The following CNST variants were observed in gnomAD, a reference collection of about 807,000 sequenced individuals.
CNST encodes consortin.
CNST carries 39 observed loss-of-function variants against 72.4 expected under a neutral mutation model. That is an observed-to-expected ratio of 0.54 (90% CI 0.42 to 0.70). The LOEUF is 0.70. Ranked by LOEUF, CNST falls within the 30% of genes least tolerant of loss-of-function variation. The pLI, the probability that CNST is intolerant of heterozygous loss-of-function variation, is 0.00. For missense variants in CNST, 871 were observed against 868.5 expected, an observed-to-expected ratio of 1.00 and a Z score of -0.04; for synonymous variants, 332 against 320.1, an observed-to-expected ratio of 1.04 and a Z score of -0.40.
intron 2 of CNST, 46 bp from the exon 3 acceptor site, chr1:246,621,383 T>C: frequency 7.1e-7 from 1 of 1,403,974 alleles, no homozygotes; most frequent in Non-Finnish European, 1.0e-6. Flanking sequence ...TGTTACACCA[T>C]CATGGGAATT....
At chr1:246,632,999 C>T (rs1664872805) in intron 4 of CNST, among the ~76,000 whole-genome samples, 1 of 152,154 alleles carries the variant, frequency 6.6e-6, no homozygotes, top group Non-Finnish European at 1.5e-5. Flanking sequence ...TCCAGGATTC[C>T]ATGTGGTCCT....
intron 2 of CNST, among the ~76,000 whole-genome samples, chr1:246,611,298 T>C (rs7539592): frequency 0.46 from 69,658 of 152,038 alleles, 17,460 homozygotes; most frequent in Non-Finnish European, 0.56. Context: ...CCTTTGTTTT[T>C]CACAGTTCTA....
At chr1:246,659,611 T>G (rs1007998922) in intron 9 of CNST, among the ~76,000 whole-genome samples, 12 of 151,334 alleles carry the variant, frequency 7.9e-5, no homozygotes, top group African/African-American at 2.7e-4. Context: ...AAAAAAAATG[T>G]CCCTAGTAAA....
intron 6 of CNST, among the ~76,000 whole-genome samples, chr1:246,635,200 G>A (rs1665114829): frequency 1.3e-5 from 2 of 151,928 alleles, no homozygotes; most frequent in East Asian, 1.9e-4. Context: ...GGGTGGCGTG[G>A]GCACCTCGGA....
intron 6 of CNST, among the ~76,000 whole-genome samples, chr1:246,637,687 C>T (rs3124083): frequency 0.91 from 139,079 of 152,246 alleles, 63,531 homozygotes; most frequent in South Asian, 0.94. Flanking sequence ...CTGTAAGGTG[C>T]ATGGAGAACC....
intron 2 of CNST, among the ~76,000 whole-genome samples, chr1:246,619,495 G>C (rs1210220994): frequency 1.3e-5 from 2 of 152,166 alleles, no homozygotes; most frequent in Non-Finnish European, 2.9e-5. Flanking sequence ...TGTGCTGCCA[G>C]CGTTGATGTG....
Position 246,633,909 on chromosome 1 carries a change from A to C in CNST, c.617-15A>C. On this transcript the variant is annotated splice_polypyrimidine_tract_variant and intron_variant, in intron 4 of 10. Transcript: ENST00000366513. ...AATAGTGTGGATTTCTATTTTCCTT[A>C]AATGTTCTATTCAGATGAGAAAGCA... is the stretch of plus-strand genomic sequence containing the variant. 6.5e-7 allele frequency: 1 copy of C among 1,544,002 alleles called. No homozygotes were observed. Among genetic ancestry groups the C allele is most frequent in the Non-Finnish European group, 9.0e-7 (1 of 1,116,212 alleles).
intron 2 of CNST, among the ~76,000 whole-genome samples, chr1:246,619,199 G>A (rs922808695): frequency 2.6e-5 from 4 of 151,518 alleles, no homozygotes; most frequent in Non-Finnish European, 4.4e-5. Context: ...GTAGTTCTCC[G>A]TGGAAAACTC....
intron 2 of CNST, among the ~76,000 whole-genome samples, chr1:246,609,581 GA>G (rs1173566082): frequency 1.3e-5 from 2 of 151,698 alleles, no homozygotes; most frequent in African/African-American, 4.8e-5. Context: ...CTGTCTCAAA[GA>G]AAAAAAAGTG....
At chr1:246,630,052 T>C (rs1356845182) in intron 3 of CNST, among the ~76,000 whole-genome samples, 1 of 152,186 alleles carries the variant, frequency 6.6e-6, no homozygotes, top group Non-Finnish European at 1.5e-5. Context: ...AATGTCATCA[T>C]TGATTTCAAT....
intron 2 of CNST, among the ~76,000 whole-genome samples, chr1:246,596,717 C>T (rs2103032717): frequency 6.6e-6 from 1 of 152,254 alleles, no homozygotes. Flanking sequence ...TATTAGCACC[C>T]ACTTCTTACT....
intron 2 of CNST, among the ~76,000 whole-genome samples, chr1:246,618,085 A>G (rs1227053296): frequency 6.6e-6 from 1 of 152,222 alleles, no homozygotes; most frequent in Non-Finnish European, 1.5e-5. Context: ...CCAGAAAGGA[A>G]CTAGAAGATA....
Position 246,667,775 on chromosome 1 carries a change from A to G in CNST, c.*1870A>G, listed in dbSNP as rs1281495275. 6.6e-6 allele frequency: 1 copy of G among 152,174 alleles called. No individual in the cohort carries two copies. The highest frequency in any genetic ancestry group is 1.5e-5 in the Non-Finnish European group (1 of 68,034). 9.4% of individuals were successfully genotyped at this position (152,174 alleles called of 1,614,324 possible). Reference sequence around the variant, plus strand: ...ACAAACCTCCTCTGTTTTATCCTCAATTTCTAGTTACAGAAATTTGGTGAT... The same window carrying G: ...ACAAACCTCCTCTGTTTTATCCTCAGTTTCTAGTTACAGAAATTTGGTGAT... On this transcript the variant is annotated 3_prime_UTR_variant, in exon 11 of 11. Transcript: ENST00000366513.
intron 8 of CNST, among the ~76,000 whole-genome samples, chr1:246,646,551 G>T (rs541418523): frequency 3.3e-5 from 5 of 152,214 alleles, no homozygotes. Flanking sequence ...CGTGATCTCA[G>T]GTAACCGCAG....
chr1:246,655,200 A>G (rs931457836), intron 9 of CNST, among the ~76,000 whole-genome samples: 4 of 152,320 alleles, frequency 2.6e-5, no homozygotes, highest in Admixed American at 2.6e-4. Context: ...ACTTAGACAC[A>G]TTGTAAAACT....
chr1:246,569,442 A>T (rs1659929375), intron 1 of CNST, among the ~76,000 whole-genome samples: 1 of 152,194 alleles, frequency 6.6e-6, no homozygotes, highest in Non-Finnish European at 1.5e-5. Flanking sequence ...CATGATTTTT[A>T]AGCTGTCTTC....
intron 2 of CNST, among the ~76,000 whole-genome samples, chr1:246,602,807 T>C (rs1662383772): frequency 6.6e-6 from 1 of 152,118 alleles, no homozygotes; most frequent in Non-Finnish European, 1.5e-5. Context: ...GTTCCTTTTT[T>C]CCCTCTGAAC....
In CNST at chr1:246,649,161, GTT is replaced by G. The variant is rs58577110; in HGVS notation, c.1836+1138_1836+1139del. Among the ~76,000 whole-genome samples the G allele has an allele frequency of 8.3e-3, 1,118 of 134,370 alleles. 11 individuals carry two copies. The highest frequency in any genetic ancestry group is 0.028 in the African/African-American group (1,011 of 36,494). The allele number at this position is 134,370 out of a possible 152,430, so 88.2% of individuals were successfully genotyped here. The stretch of plus-strand genomic sequence containing the variant: ...TTAATTCTCTACAGACTGTTGTTTT[GTT>G]TTTTTTTTTTTTTCGTAGTTTTTGC... On this transcript the variant is annotated intron_variant, in intron 9 of 10. Coordinates refer to ENST00000366513, the MANE Select transcript of CNST (RefSeq NM_152609.3).
intron 3 of CNST, 29 bp downstream of exon 3, chr1:246,621,663 C>T: frequency 1.3e-6 from 2 of 1,579,258 alleles, no homozygotes; most frequent in Non-Finnish European, 1.7e-6. Context: ...CACTTTCAGC[C>T]TCACGAAAAT....
Sources: gnomAD v4.1 joint callset for allele counts (sites outside exome capture counted in the v4.1 genomes callset) on GRCh38, gnomAD v4.1.1 for gene constraint, MANE v1.5 for transcripts, NCBI Gene and HGNC (gene_info 2026-07-23, HGNC 2026-07-21) for gene names.